The following PLEKHG3 variants were observed in gnomAD, a reference collection of about 807,000 sequenced individuals.
PLEKHG3 encodes the protein pleckstrin homology domain-containing family G member 3.
A neutral mutation model predicts 94.9 loss-of-function variants in PLEKHG3; 62 were observed. The ratio of observed to expected loss-of-function variants is 0.65; its 90% CI spans 0.53 to 0.81. PLEKHG3 has a LOEUF of 0.81. Among genes scored for constraint, PLEKHG3 ranks in the 30% least tolerant of loss-of-function variants. The pLI is 0.00. For missense variants in PLEKHG3, 1,461 were observed against 1,619.3 expected, an observed-to-expected ratio of 0.90 and a Z score of 1.68; for synonymous variants, 614 against 654.0, an observed-to-expected ratio of 0.94 and a Z score of 0.93.
In PLEKHG3 at chr14:64,717,732, C is replaced by T. The variant is rs17102007; in HGVS notation, c.-39-9861C>T. On this transcript the variant is annotated intron_variant, in intron 1 of 16. Coordinates refer to ENST00000247226, the MANE Select transcript of PLEKHG3 (RefSeq NM_001308147.2). The surrounding 1 kb of genome is among the most constrained non-coding windows in gnomAD (Gnocchi z 4.7). ...GTTCCCTCGATCTCTCGCTCCTCCTCGAAGCTGTCTCTGAATAGCCAGCAC... is the reference window on the plus strand; with the variant it reads ...GTTCCCTCGATCTCTCGCTCCTCCTTGAAGCTGTCTCTGAATAGCCAGCAC... Among the ~76,000 whole-genome samples the T allele has an allele frequency of 0.023, 3,468 of 152,342 alleles. 135 individuals carry two copies. Among genetic ancestry groups the T allele is most frequent in the African/African-American group, 0.078 (3,243 of 41,562 alleles).
In PLEKHG3 at chr14:64,704,750, T is replaced by A. The variant is rs1408848035; in HGVS notation, c.-40+46T>A. On this transcript the variant is annotated intron_variant, in intron 1 of 16. Coordinates refer to ENST00000247226, the MANE Select transcript of PLEKHG3 (RefSeq NM_001308147.2). The surrounding 1 kb of genome is among the most constrained non-coding windows in gnomAD (Gnocchi z 5.6). Reference sequence around the variant, plus strand: ...CTCTCTCCCCTCTTATCTCCCTGCATTAGGCTGAGCGGCGGTGCCGGCAGT... The same window carrying A: ...CTCTCTCCCCTCTTATCTCCCTGCAATAGGCTGAGCGGCGGTGCCGGCAGT... 3 of 152,204 alleles carry A rather than the reference T, an allele frequency of 2.0e-5. No homozygotes were observed. Among genetic ancestry groups the A allele is most frequent in the Non-Finnish European group, 4.4e-5 (3 of 68,116 alleles). 9.4% of individuals were successfully genotyped at this position (152,204 alleles called of 1,614,324 possible).
At chr14:64,719,895 A>C (rs1054961322) in intron 1 of PLEKHG3, among the ~76,000 whole-genome samples, 1 of 152,150 alleles carries the variant, frequency 6.6e-6, no homozygotes, top group African/African-American at 2.4e-5. Flanking sequence ...TGACCTCAAG[A>C]TGAGAGAGGT....
chr14:64,737,408 C>G, intron 14 of PLEKHG3, 33 bp downstream of exon 14: 2 of 1,536,672 alleles, frequency 1.3e-6, no homozygotes, highest in Non-Finnish European at 1.8e-6. Flanking sequence ...GACTGGCTGA[C>G]AGAGGAGGGT....
At position 64,747,071 on chromosome 14, in the gene PLEKHG3, G is replaced by T. The variant is rs45628133; in HGVS notation, c.*3368G>T. Reference sequence around the variant, plus strand: ...ACAGAATGGTCACATGCAGCTGGCTGCCCTGGACCAGGCCAGGGGACCTGG... The same window carrying T: ...ACAGAATGGTCACATGCAGCTGGCTTCCCTGGACCAGGCCAGGGGACCTGG... On this transcript the variant is annotated 3_prime_UTR_variant, in exon 17 of 17. Coordinates refer to ENST00000247226, the MANE Select transcript of PLEKHG3 (RefSeq NM_001308147.2). 13,589 of 152,668 alleles carry T rather than the reference G, an allele frequency of 0.089. 661 individuals carry two copies. The highest frequency in any genetic ancestry group is 0.19 in the East Asian group (1,001 of 5,156). The allele number at this position is 152,668 out of a possible 1,614,324, so 9.5% of individuals were successfully genotyped here.
rs143574846 is a variant in PLEKHG3 at position 64,734,238 on chromosome 14, A to G, written c.1345+1337A>G. Among the ~76,000 whole-genome samples the G allele has an allele frequency of 9.1e-3, 1,385 of 152,282 alleles. 20 individuals carry two copies. The highest frequency in any genetic ancestry group is 0.032 in the African/African-American group (1,321 of 41,552). On this transcript the variant is annotated intron_variant, in intron 12 of 16. Coordinates refer to ENST00000247226, the MANE Select transcript of PLEKHG3 (RefSeq NM_001308147.2). ...TGGTTTTTATAGTTAAAAGCTCCAA[A>G]TAGGGGTGTTGCTTTCTTCTCTCTA...
Position 64,732,567 on chromosome 14 carries a change from G to C in PLEKHG3, c.1246+107G>C. 3 of 1,033,706 alleles carry C rather than the reference G, an allele frequency of 2.9e-6. No individual in the cohort carries two copies. Among genetic ancestry groups the C allele is most frequent in the Non-Finnish European group, 3.1e-6 (2 of 655,180 alleles). 64.0% of individuals were successfully genotyped at this position (1,033,706 alleles called of 1,614,324 possible). A position where few individuals can be genotyped will look rare whatever the true frequency, so the allele number is the denominator to read the frequency against. ...GATAATTTTATTCCAGGAGCAGGGA[G>C]GGCGGGGGTCTCCTGTTAAGGGCTG... On this transcript the variant is annotated intron_variant, in intron 11 of 16. Coordinates refer to ENST00000247226, the MANE Select transcript of PLEKHG3 (RefSeq NM_001308147.2). The surrounding 1 kb of genome is among the most constrained non-coding windows in gnomAD (Gnocchi z 4.9).
At position 64,729,077 on chromosome 14, in the gene PLEKHG3, A is replaced by G. The variant is rs925986818; in HGVS notation, c.433A>G (p.Ile145Val). The G allele has an allele frequency of 6.7e-7, 1 of 1,493,978 alleles. No individual in the cohort carries two copies. Among genetic ancestry groups the G allele is most frequent in the African/African-American group, 1.4e-5 (1 of 72,160 alleles). The allele number at this position is 1,493,978 out of a possible 1,614,324, so 92.5% of individuals were successfully genotyped here. A position where few individuals can be genotyped will look rare whatever the true frequency, so the allele number is the denominator to read the frequency against. Residue 145 changes from isoleucine (I) to valine (V), a missense_variant, in exon 3 of 17, where the codon ATC becomes GTC. Ile to Val is a conservative substitution (Grantham distance 29). Around this residue, in one of 3 missense-constraint regions of PLEKHG3, gnomAD observed 253 missense variants for 297.8 expected, o/e 0.85. Coordinates refer to ENST00000247226, the MANE Select transcript of PLEKHG3 (RefSeq NM_001308147.2). ...CGCCCTCTTTGGGAACATAGAAAATATCTACGCGCTGAACAGGTGTGTGAA... is the reference window on the plus strand; with the variant it reads ...CGCCCTCTTTGGGAACATAGAAAATGTCTACGCGCTGAACAGGTGTGTGAA... ...VSALFGNIEN[I>V]YALNSQLLRD...
Position 64,738,084 on chromosome 14 carries a change from G to C in PLEKHG3, c.1405-658G>C. 2 of 1,303,494 alleles carry C rather than the reference G, an allele frequency of 1.5e-6. No homozygotes were observed. The highest frequency in any genetic ancestry group is 2.0e-6 in the Non-Finnish European group (2 of 996,776). 80.7% of individuals were successfully genotyped at this position (1,303,494 alleles called of 1,614,324 possible). ...GAAGGGGGCTGGGCCGGAGCCCCCA[G>C]GCTCAGAGGAGGAGGAGGAGGAGCA... is the stretch of plus-strand genomic sequence containing the variant. On this transcript the variant is annotated intron_variant, in intron 14 of 16. Coordinates refer to ENST00000247226, the MANE Select transcript of PLEKHG3 (RefSeq NM_001308147.2). This position sits in a 1 kb window ranked among gnomAD's most constrained non-coding sequence, Gnocchi z 4.8.
At chr14:64,707,268 A>T (rs1380888261) in intron 1 of PLEKHG3, among the ~76,000 whole-genome samples, 1 of 152,170 alleles carries the variant, frequency 6.6e-6, no homozygotes, top group Non-Finnish European at 1.5e-5. Context: ...CCTCTTGTCA[A>T]GCTCATCTGG....
Position 64,738,914 on chromosome 14 carries a change from A to G in PLEKHG3, c.1518+59A>G. ...GAAGAACTTGGAGTCCAGATTTTCA[A>G]GTCTGCAAATAGGGCTTTCAGGCAC... On this transcript the variant is annotated intron_variant, in intron 15 of 16. Transcript: ENST00000247226. The surrounding 1 kb of genome is among the most constrained non-coding windows in gnomAD (Gnocchi z 4.8). The G allele has an allele frequency of 8.9e-7, 1 of 1,120,972 alleles. No homozygotes were observed. Among genetic ancestry groups the G allele is most frequent in the South Asian group, 1.3e-5 (1 of 75,444 alleles). The allele number at this position is 1,120,972 out of a possible 1,614,324, so 69.4% of individuals were successfully genotyped here.
chr14:64,743,010 T>A lies in PLEKHG3; in HGVS notation c.2967T>A (p.Phe989Leu). Reference sequence around the variant, plus strand: ...AGAGGAAGCCGGTGCTGTCTCTATTTGACTATGAGCAGCTGATGGCCCAGG... The same window carrying A: ...AGAGGAAGCCGGTGCTGTCTCTATTAGACTATGAGCAGCTGATGGCCCAGG... The part of the protein sequence containing the change: ...KGKRKPVLSL[F>L]DYEQLMAQEH... The change falls in exon 17 of 17, where the codon TTT becomes TTA. Residue 989 changes from phenylalanine to leucine, a missense_variant. Transcript: ENST00000247226. This position sits in a 1 kb window ranked among gnomAD's most constrained non-coding sequence, Gnocchi z 7.2. 2 of 1,613,206 alleles carry A rather than the reference T, an allele frequency of 1.2e-6. No individual in the cohort carries two copies. The highest frequency in any genetic ancestry group is 1.7e-6 in the Non-Finnish European group (2 of 1,179,774).
rs1181018470 is a variant in PLEKHG3 at position 64,747,390 on chromosome 14, T to TC, written c.*3691dup. The TC allele has an allele frequency of 6.6e-6, 1 of 152,670 alleles. No individual in the cohort carries two copies. The highest frequency in any genetic ancestry group is 1.5e-5 in the Non-Finnish European group (1 of 68,064). 9.5% of individuals were successfully genotyped at this position (152,670 alleles called of 1,614,324 possible). Reference sequence around the variant, plus strand: ...GTGCAGTCACCTCACTGCCTTGGTTTCCCCAGATACAGAAAGAGGCTGGTG... The same window carrying TC: ...GTGCAGTCACCTCACTGCCTTGGTTTCCCCCAGATACAGAAAGAGGCTGGTG... On this transcript the variant is annotated 3_prime_UTR_variant, in exon 17 of 17. Coordinates refer to ENST00000247226, the MANE Select transcript of PLEKHG3 (RefSeq NM_001308147.2).
intron 3 of PLEKHG3, among the ~76,000 whole-genome samples, 176 bp downstream of exon 3, chr14:64,729,269 C>T (rs1410170516): frequency 6.6e-6 from 1 of 152,144 alleles, no homozygotes; most frequent in Non-Finnish European, 1.5e-5. Flanking sequence ...TCTGCTTTCT[C>T]TCAAGGGCAG....
chr14:64,710,894 T>G (rs2081057917), intron 1 of PLEKHG3, among the ~76,000 whole-genome samples: 1 of 151,828 alleles, frequency 6.6e-6, no homozygotes, highest in South Asian at 2.1e-4. Flanking sequence ...AGTTTGATAA[T>G]TTATGCTTTG....
rs1174033783 is a variant in PLEKHG3, at chr14:64,739,203, T to G, written c.1518+348T>G. Among the ~76,000 whole-genome samples the G allele has an allele frequency of 6.6e-6, 1 of 152,204 alleles. No individual in the cohort carries two copies. The highest frequency in any genetic ancestry group is 2.4e-5 in the African/African-American group (1 of 41,450). On this transcript the variant is annotated intron_variant, in intron 15 of 16. Coordinates refer to ENST00000247226, the MANE Select transcript of PLEKHG3 (RefSeq NM_001308147.2). This position sits in a 1 kb window ranked among gnomAD's most constrained non-coding sequence, Gnocchi z 4.1. ...CTGTCCCTGCCAGCATGCCAGACATTGAAATCACACCTGTGGTCACCTGGG... is the reference window on the plus strand; with the variant it reads ...CTGTCCCTGCCAGCATGCCAGACATGGAAATCACACCTGTGGTCACCTGGG...
chr14:64,706,764 CG>C (rs757288472), intron 1 of PLEKHG3, among the ~76,000 whole-genome samples: 4 of 152,246 alleles, frequency 2.6e-5, no homozygotes, highest in Non-Finnish European at 5.9e-5. Flanking sequence ...CCAAAGGCCA[CG>C]GCCTGCGGGA....
chr14:64,749,602 C>A lies in PLEKHG3; in HGVS notation c.*5899C>A. ...GCCTCCAGGGCAAGCGGCCTGGGGT[C>A]CTCCACCTACCCCCTTCTTAGCCAG... is the stretch of plus-strand genomic sequence containing the variant. On this transcript the variant is annotated 3_prime_UTR_variant, in exon 17 of 17. Coordinates refer to ENST00000247226, the MANE Select transcript of PLEKHG3 (RefSeq NM_001308147.2). The surrounding 1 kb of genome is among the most constrained non-coding windows in gnomAD (Gnocchi z 4.7). The A allele has an allele frequency of 6.2e-7, 1 of 1,611,372 alleles. No individual in the cohort carries two copies. The highest frequency in any genetic ancestry group is 8.5e-7 in the Non-Finnish European group (1 of 1,179,484).
chr14:64,738,751 C>T lies in PLEKHG3; in HGVS notation c.1414C>T (p.Arg472Cys), dbSNP rs780193834. The change falls in exon 15 of 17, where the codon CGC becomes TGC. Residue 472 changes from arginine to cysteine, a missense_variant. By Grantham distance (180) the Arg-to-Cys change is radical. Around this residue, in one of 3 missense-constraint regions of PLEKHG3, gnomAD observed 1,201 missense variants for 1,295.5 expected, o/e 0.93. Coordinates refer to ENST00000247226, the MANE Select transcript of PLEKHG3 (RefSeq NM_001308147.2). This position sits in a 1 kb window ranked among gnomAD's most constrained non-coding sequence, Gnocchi z 4.8. ...ARAAGMKGKG[R>C]RESESSRSSR... is the part of the protein sequence containing the mutation. ...ACCTCTACCTCTGCAGGGAAAGGGG[C>T]GCAGGGAGTCTGAAAGCTCCAGGAG... 2.3e-5 allele frequency: 36 copies of T among 1,582,832 alleles called. No homozygotes were observed. The highest frequency in any genetic ancestry group is 4.6e-5 in the South Asian group (4 of 86,516).
Position 64,749,378 on chromosome 14 carries a change from G to C in PLEKHG3, c.*5675G>C, listed in dbSNP as rs1387313899. The C allele has an allele frequency of 5.6e-6, 9 of 1,610,194 alleles. No individual in the cohort carries two copies. The African/African-American group carries it at 1.1e-4, about 19-fold the overall frequency. ...TGCCGAGGCTGGCGTCGGGGCCGGA[G>C]AGGGAAGGCAGGGGCAGGCTCTGCG... On this transcript the variant is annotated 3_prime_UTR_variant, in exon 17 of 17. Coordinates refer to ENST00000247226, the MANE Select transcript of PLEKHG3 (RefSeq NM_001308147.2). The surrounding 1 kb of genome is among the most constrained non-coding windows in gnomAD (Gnocchi z 4.7).
Sources: allele counts gnomAD v4.1 joint callset (sites outside exome capture counted in the v4.1 genomes callset), GRCh38; gene constraint gnomAD v4.1.1; regional missense constraint gnomAD v4.1.1; non-coding constraint Gnocchi (gnomAD v3.1); transcripts MANE v1.5; gene names NCBI Gene and HGNC (gene_info 2026-07-23, HGNC 2026-07-21).